RBFOX1: variants seen among roughly 807,000 people sequenced by gnomAD.
RBFOX1 encodes the protein RNA binding fox-1 homolog 1.
Under a neutral mutation model 57.7 loss-of-function variants are expected in RBFOX1, and 8 were observed. The ratio of observed to expected loss-of-function variants is 0.14; its 90% CI spans 0.08 to 0.25. The LOEUF is 0.25. RBFOX1 is among the 10% of genes least tolerant of loss of function. RBFOX1 has a pLI of 1.00. For synonymous variants in RBFOX1, 326 were observed against 222.4 expected, an observed-to-expected ratio of 1.47 and a Z score of -4.15; for missense variants, 611 against 548.5, an observed-to-expected ratio of 1.11 and a Z score of -1.14.
intron 1 of RBFOX1, among the ~76,000 whole-genome samples, chr16:5,291,387 C>G (rs549791460): frequency 6.6e-6 from 1 of 151,840 alleles, no homozygotes; most frequent in Admixed American, 6.6e-5. Context: ...CTCAGCCTCC[C>G]GAGTAGCTGG....
In RBFOX1 at chr16:6,936,037, C is replaced by G. The variant is rs949892178; in HGVS notation, c.-15-116020C>G. 5.9e-5 allele frequency among the ~76,000 whole-genome samples: 9 copies of G among 152,298 alleles called. No individual in the cohort carries two copies. The East Asian group carries it at 1.4e-3, about 23-fold the overall frequency. The stretch of plus-strand genomic sequence containing the variant: ...GGATAATGGCAAGAGGGTTTCTTCT[C>G]AATGCGCAAGAGTATTTTGCCTGCG... On this transcript the variant is annotated intron_variant, in intron 3 of 15. Coordinates refer to ENST00000550418, the MANE Select transcript of RBFOX1 (RefSeq NM_018723.4).
intron 1 of RBFOX1, among the ~76,000 whole-genome samples, chr16:5,279,496 A>AT (rs201125233): frequency 2.2e-5 from 3 of 138,716 alleles, no homozygotes; most frequent in Non-Finnish European, 4.8e-5. Context: ...TTTTAAAAAA[A>AT]TTTTTTTTTA....
At chr16:5,983,914 T>TTCCTCCTCCTCCCCC (rs1173006255) in intron 4 of RBFOX1, among the ~76,000 whole-genome samples, 1 of 98,234 alleles carries the variant, frequency 1.0e-5, no homozygotes, top group Admixed American at 1.0e-4. Context: ...CCTCCTCCTC[T>TTCCTCCTCCTCCCCC]TCCTCCTCCT....
chr16:7,247,982 C>G (rs1386187394), intron 4 of RBFOX1, among the ~76,000 whole-genome samples: 1 of 152,166 alleles, frequency 6.6e-6, no homozygotes, highest in Non-Finnish European at 1.5e-5. Context: ...GTAAGACAAA[C>G]TCCCATGACA....
intron 4 of RBFOX1, among the ~76,000 whole-genome samples, chr16:7,437,659 G>T (rs1231357502): frequency 6.6e-6 from 1 of 152,122 alleles, no homozygotes; most frequent in Non-Finnish European, 1.5e-5. Flanking sequence ...AGTTGGAAAC[G>T]ATTAAGGCCG....
chr16:7,032,304 G>C (rs1036360320), intron 3 of RBFOX1, among the ~76,000 whole-genome samples: 2 of 152,070 alleles, frequency 1.3e-5, no homozygotes, highest in Admixed American at 6.5e-5. Context: ...ATTTAGCTGG[G>C]TGTGGTGGGA....
At chr16:6,676,882 G>T (rs866752805) in intron 3 of RBFOX1, among the ~76,000 whole-genome samples, 1 of 151,740 alleles carries the variant, frequency 6.6e-6, no homozygotes, top group African/African-American at 2.4e-5. Context: ...CACCATGTTG[G>T]CCATGCTGGT....
At chr16:6,369,908 C>T (rs2090178081) in intron 2 of RBFOX1, among the ~76,000 whole-genome samples, 1 of 152,182 alleles carries the variant, frequency 6.6e-6, no homozygotes, top group Non-Finnish European at 1.5e-5. Context: ...CCAATTTCAT[C>T]AATTGTCCCA....
At chr16:5,569,832 G>C (rs2046217158) in intron 2 of RBFOX1, among the ~76,000 whole-genome samples, 1 of 152,016 alleles carries the variant, frequency 6.6e-6, no homozygotes, top group Admixed American at 6.5e-5. Flanking sequence ...TTCTTGACAT[G>C]GTCTTCCTCT....
chr16:7,005,146 A>G (rs772327393), intron 3 of RBFOX1, among the ~76,000 whole-genome samples: 3 of 152,026 alleles, frequency 2.0e-5, no homozygotes, highest in Non-Finnish European at 4.4e-5. Context: ...TTCCATCTCA[A>G]AAACAAAAAA....
intron 12 of RBFOX1, among the ~76,000 whole-genome samples, chr16:7,658,252 C>G (rs756767039): frequency 2.0e-5 from 3 of 152,162 alleles, no homozygotes; most frequent in Admixed American, 6.5e-5. Context: ...GTCTCTCCCT[C>G]TATGCATTAT....
intron 9 of RBFOX1, among the ~76,000 whole-genome samples, chr16:7,602,098 C>T (rs951747979): frequency 3.3e-5 from 5 of 152,286 alleles, no homozygotes; most frequent in African/African-American, 1.2e-4. Context: ...ATATGTAACC[C>T]AGCAAAGCCT....
At chr16:5,856,515 C>A (rs1199413942) in intron 3 of RBFOX1, among the ~76,000 whole-genome samples, 1 of 123,654 alleles carries the variant, frequency 8.1e-6, no homozygotes, top group African/African-American at 3.0e-5. Flanking sequence ...TTTTGACCAA[C>A]ATCTCTCATT....
chr16:7,328,313 C>T (rs13337858), intron 4 of RBFOX1, among the ~76,000 whole-genome samples: 1 of 151,906 alleles, frequency 6.6e-6, no homozygotes, highest in African/African-American at 2.4e-5. Flanking sequence ...AACCCTGTCT[C>T]TACTAAAAAT....
chr16:6,907,892 G>A (rs1012304563), intron 3 of RBFOX1, among the ~76,000 whole-genome samples: 1 of 151,656 alleles, frequency 6.6e-6, no homozygotes, highest in Admixed American at 6.6e-5. Context: ...TGGTTGGCTG[G>A]CAGTCATGGG....
At chr16:5,317,415 C>T (rs558748943) in intron 1 of RBFOX1, among the ~76,000 whole-genome samples, 1 of 152,278 alleles carries the variant, frequency 6.6e-6, no homozygotes, top group East Asian at 1.9e-4. Context: ...TCAAGCCAGC[C>T]TGGCCAACAT....
At position 7,595,560 on chromosome 16, in the gene RBFOX1, C is replaced by T. The variant is rs919248039; in HGVS notation, c.480C>T (p.Phe160=). 2.6e-6 allele frequency: 4 copies of T among 1,545,614 alleles called. No homozygotes were observed. The highest frequency in any genetic ancestry group is 1.7e-4 in the Middle Eastern group (1 of 5,836). ...FNERGSKGFG[F]VTFENSADAD... is the part of the protein sequence containing the mutation. Reference sequence around the variant, plus strand: ...CCTCCTGCATGCAGGGATTTGGTTTCGTAACTTTCGAAAATAGTGCCGATG... The same window carrying T: ...CCTCCTGCATGCAGGGATTTGGTTTTGTAACTTTCGAAAATAGTGCCGATG... The change falls in exon 8 of 16, where the codon TTC becomes TTT. Residue 160 remains phenylalanine (F), a synonymous_variant. Coordinates refer to ENST00000550418, the MANE Select transcript of RBFOX1 (RefSeq NM_018723.4).
At chr16:5,361,937 A>T (rs2065563154) in intron 1 of RBFOX1, among the ~76,000 whole-genome samples, 1 of 152,254 alleles carries the variant, frequency 6.6e-6, no homozygotes, top group Non-Finnish European at 1.5e-5. Context: ...CAGCAGGCAG[A>T]TAATGCTCAA....
chr16:6,697,562 C>A (rs2061240107), intron 3 of RBFOX1, among the ~76,000 whole-genome samples: 1 of 152,170 alleles, frequency 6.6e-6, no homozygotes, highest in African/African-American at 2.4e-5. Flanking sequence ...CTCACTGGAG[C>A]AGCTTGAGTC....
Sources: gnomAD v4.1 joint callset for allele counts (sites outside exome capture counted in the v4.1 genomes callset) on GRCh38, gnomAD v4.1.1 for gene constraint, MANE v1.5 for transcripts, NCBI Gene and HGNC (gene_info 2026-07-23, HGNC 2026-07-21) for gene names.